PLPP1: variants seen among roughly 807,000 people sequenced by gnomAD.
PLPP1 encodes phospholipid phosphatase 1, also known as lipid phosphate phosphohydrolase 1a.
In PLPP1, 24 loss-of-function variants were observed where a neutral mutation model predicts 31.2. The ratio of observed to expected loss-of-function variants is 0.77; its 90% CI spans 0.56 to 1.08. The LOEUF is 1.08. PLPP1 is among the 50% of genes least tolerant of loss of function. The probability of loss-of-function intolerance (pLI) is 0.00; values close to 1 mark genes in which losing one functional copy is unlikely to be tolerated. For missense variants in PLPP1, 319 were observed against 342.7 expected, an observed-to-expected ratio of 0.93 and a Z score of 0.55; for synonymous variants, 146 against 126.3, an observed-to-expected ratio of 1.16 and a Z score of -1.05.
At chr5:55,497,880 G>T (rs1433997399) in intron 1 of PLPP1, among the ~76,000 whole-genome samples, 1 of 152,068 alleles carries the variant, frequency 6.6e-6, no homozygotes, top group Non-Finnish European at 1.5e-5. Flanking sequence ...GAGGAAACCA[G>T]GAAAATAAAC....
chr5:55,432,217 A>G (rs1208224691), intron 4 of PLPP1, among the ~76,000 whole-genome samples: 2 of 151,354 alleles, frequency 1.3e-5, no homozygotes. Context: ...TCCTGGGACT[A>G]CCGGCATAAG....
At chr5:55,489,916 T>C (rs956550997) in intron 1 of PLPP1, among the ~76,000 whole-genome samples, 3 of 152,188 alleles carry the variant, frequency 2.0e-5, no homozygotes, top group African/African-American at 7.2e-5. Context: ...ACCTTGCTCC[T>C]TCCCTTCTAT....
chr5:55,502,705 T>C (rs575652307), intron 1 of PLPP1, among the ~76,000 whole-genome samples: 4 of 152,330 alleles, frequency 2.6e-5, no homozygotes, highest in Admixed American at 2.0e-4. Context: ...AACTGACAGG[T>C]TGAGCATTAA....
intron 2 of PLPP1, among the ~76,000 whole-genome samples, chr5:55,472,022 T>A (rs1752426325): frequency 6.6e-6 from 1 of 152,152 alleles, no homozygotes; most frequent in African/African-American, 2.4e-5. Context: ...CTCAGGTGGC[T>A]GAAGCAGGAG....
At chr5:55,526,728 C>T (rs1455671213) in intron 1 of PLPP1, among the ~76,000 whole-genome samples, 1 of 151,892 alleles carries the variant, frequency 6.6e-6, no homozygotes, top group African/African-American at 2.4e-5. Context: ...GTCAGGAGAT[C>T]GAGACCATCC....
intron 4 of PLPP1, among the ~76,000 whole-genome samples, chr5:55,437,686 G>C (rs1159484037): frequency 1.3e-5 from 2 of 152,166 alleles, no homozygotes; most frequent in African/African-American, 2.4e-5. Flanking sequence ...CTGTCCAGAA[G>C]AACACTGGAA....
intron 3 of PLPP1, among the ~76,000 whole-genome samples, chr5:55,454,820 C>A (rs903729532): frequency 6.6e-6 from 1 of 152,174 alleles, no homozygotes; most frequent in Admixed American, 6.5e-5. Flanking sequence ...GAAATACAAG[C>A]CTTAACAAAT....
At chr5:55,517,808 TC>T (rs1289466305) in intron 1 of PLPP1, among the ~76,000 whole-genome samples, 3 of 152,212 alleles carry the variant, frequency 2.0e-5, no homozygotes, top group Admixed American at 2.0e-4. Context: ...TCAGAAGTGC[TC>T]CTGAAAGGCA....
chr5:55,534,657 G>A lies in PLPP1; in HGVS notation c.-28C>T, dbSNP rs1740821045. On this transcript the variant is annotated 5_prime_UTR_variant, in exon 1 of 6. Coordinates refer to ENST00000307259, the MANE Select transcript of PLPP1 (RefSeq NM_003711.4). ...TCTCTGCCCGGGCTGCCCGGCAAGGGCGATGGACTGAGCTGCGGGACGGCG... is the reference window on the plus strand; with the variant it reads ...TCTCTGCCCGGGCTGCCCGGCAAGGACGATGGACTGAGCTGCGGGACGGCG... 6.5e-7 allele frequency: 1 copy of A among 1,531,418 alleles called. No homozygotes were observed. 94.9% of individuals were successfully genotyped at this position (1,531,418 alleles called of 1,614,324 possible).
At chr5:55,431,059 CAT>C (rs1751336687) in intron 4 of PLPP1, among the ~76,000 whole-genome samples, 1 of 152,150 alleles carries the variant, frequency 6.6e-6, no homozygotes. Flanking sequence ...AGCTCTGTGA[CAT>C]ATGTGACACC....
intron 3 of PLPP1, among the ~76,000 whole-genome samples, chr5:55,456,843 A>C (rs1752023481): frequency 6.6e-6 from 1 of 152,178 alleles, no homozygotes; most frequent in African/African-American, 2.4e-5. Context: ...AGAACCCCAA[A>C]GCTTACTAAG....
intron 2 of PLPP1, 72 bp from the exon 3 acceptor site, chr5:55,468,221 G>A (rs1752346376): frequency 7.4e-7 from 1 of 1,344,726 alleles, no homozygotes; most frequent in Non-Finnish European, 1.0e-6. Flanking sequence ...AACATAGGGG[G>A]AAAAAAGGAA....
chr5:55,503,716 T>C (rs541364651), intron 1 of PLPP1, among the ~76,000 whole-genome samples: 4 of 148,040 alleles, frequency 2.7e-5, no homozygotes, highest in South Asian at 2.2e-4. Flanking sequence ...GAGGTGGAGG[T>C]TGCAGTGAGC....
chr5:55,518,448 C>A (rs1001142351), intron 1 of PLPP1, among the ~76,000 whole-genome samples: 1 of 152,030 alleles, frequency 6.6e-6, no homozygotes, highest in East Asian at 1.9e-4. Context: ...CATGAGAGAC[C>A]GCGCCCGGCC....
intron 2 of PLPP1, among the ~76,000 whole-genome samples, chr5:55,470,613 G>A (rs537249160): frequency 3.5e-4 from 54 of 152,350 alleles, no homozygotes; most frequent in African/African-American, 1.2e-3. Context: ...ATCGCTGAGA[G>A]AAGCAGACAA....
chr5:55,457,579 C>T (rs191309285), intron 3 of PLPP1, among the ~76,000 whole-genome samples: 1 of 151,972 alleles, frequency 6.6e-6, no homozygotes, highest in Non-Finnish European at 1.5e-5. Context: ...GATTTATGTA[C>T]CTGAACCAGA....
chr5:55,476,678 T>C (rs1752557268), intron 1 of PLPP1, among the ~76,000 whole-genome samples: 1 of 152,178 alleles, frequency 6.6e-6, no homozygotes, highest in Admixed American at 6.5e-5. Flanking sequence ...ACACTCACTG[T>C]AAAAGTGTTG....
rs767868373 is a variant in PLPP1 at position 55,468,067 on chromosome 5, A to G, written c.293T>C (p.Ile98Thr). ...SFIRNNYIAT[I>T]YKAIGTFLFG... ...TAAAAAGGTTCCAATGGCTTTGTAAATAGTGGCTATGTAGTTATTCCTGAT... is the reference window on the plus strand; with the variant it reads ...TAAAAAGGTTCCAATGGCTTTGTAAGTAGTGGCTATGTAGTTATTCCTGAT... The change falls in exon 3 of 6, where the codon ATT becomes ACT. Residue 98 changes from isoleucine to threonine, a missense_variant. By Grantham distance (89) the Ile-to-Thr change is moderately conservative. Transcript: ENST00000307259. The G allele has an allele frequency of 1.5e-5, 25 of 1,614,008 alleles. No individual in the cohort carries two copies. In the East Asian group the frequency reaches 2.2e-4, roughly 14 times the overall value.
chr5:55,534,735 T>C lies in PLPP1; in HGVS notation c.-106A>G. 1 of 1,206,494 alleles carries C rather than the reference T, an allele frequency of 8.3e-7. No homozygotes were observed. The highest frequency in any genetic ancestry group is 1.5e-5 in the South Asian group (1 of 66,742). 74.7% of individuals were successfully genotyped at this position (1,206,494 alleles called of 1,614,324 possible). The stretch of plus-strand genomic sequence containing the variant: ...GCCGGGGCTGGCGACGGCCCCGAGC[T>C]ACGGCCCCTCCCAGCCGGAGGAGGA... On this transcript the variant is annotated 5_prime_UTR_variant, in exon 1 of 6. Transcript: ENST00000307259.
Sources: gnomAD v4.1 joint callset for allele counts (sites outside exome capture counted in the v4.1 genomes callset) on GRCh38, gnomAD v4.1.1 for gene constraint, MANE v1.5 for transcripts, NCBI Gene and HGNC (gene_info 2026-07-23, HGNC 2026-07-21) for gene names.